The following COL25A1 variants were observed in gnomAD, a reference collection of about 807,000 sequenced individuals.
COL25A1 encodes collagen alpha-1(XXV) chain.
A neutral mutation model predicts 128.4 loss-of-function variants in COL25A1; 103 were observed. That is an observed-to-expected ratio of 0.80 (90% CI 0.68 to 0.94). COL25A1 has a LOEUF of 0.94. Among genes scored for constraint, COL25A1 ranks in the 40% least tolerant of loss-of-function variants. The pLI is 0.00. For missense variants in COL25A1, 745 were observed against 840.0 expected, an observed-to-expected ratio of 0.89 and a Z score of 1.40; for synonymous variants, 279 against 277.2, an observed-to-expected ratio of 1.01 and a Z score of -0.06.
chr4:109,070,024 A>T (rs2125981137), intron 3 of COL25A1, among the ~76,000 whole-genome samples: 1 of 151,550 alleles, frequency 6.6e-6, no homozygotes, highest in South Asian at 2.1e-4. Context: ...TGGGAGGCCA[A>T]GGTGGGCAGA....
intron 3 of COL25A1, among the ~76,000 whole-genome samples, chr4:109,262,684 T>C (rs1781533377): frequency 6.6e-6 from 1 of 152,190 alleles, no homozygotes; most frequent in South Asian, 2.1e-4. Context: ...TGCATACTTA[T>C]TTCTTTAGAG....
In COL25A1 at chr4:109,302,640, G is replaced by A. The variant is rs1248269926; in HGVS notation, c.-528C>T. On this transcript the variant is annotated 5_prime_UTR_variant, in exon 1 of 38. Transcript: ENST00000399132. ...CAATGCTACTCGCGAAGCCGAAGTC[G>A]CGGCTGCCCGAAGGATCTCCGCAGC... 7 of 152,604 alleles carry A rather than the reference G, an allele frequency of 4.6e-5. No homozygotes were observed. The highest frequency in any genetic ancestry group is 1.7e-4 in the African/African-American group (7 of 41,470). The allele number at this position is 152,604 out of a possible 1,614,324, so 9.5% of individuals were successfully genotyped here. A position where few individuals can be genotyped will look rare whatever the true frequency, so the allele number is the denominator to read the frequency against.
At chr4:108,826,600 G>A (rs897886606) in intron 33 of COL25A1, among the ~76,000 whole-genome samples, 1 of 152,216 alleles carries the variant, frequency 6.6e-6, no homozygotes, top group Non-Finnish European at 1.5e-5. Context: ...AGTGTTCTAT[G>A]TTCTGCAGAT....
At chr4:109,284,662 A>G (rs1165796925) in intron 3 of COL25A1, among the ~76,000 whole-genome samples, 2 of 152,224 alleles carry the variant, frequency 1.3e-5, no homozygotes, top group African/African-American at 4.8e-5. Context: ...AAACACCATT[A>G]GTCAGTTTTC....
intron 6 of COL25A1, among the ~76,000 whole-genome samples, chr4:108,975,326 C>T (rs1005854521): frequency 2.0e-5 from 3 of 152,154 alleles, no homozygotes; most frequent in African/African-American, 7.2e-5. Flanking sequence ...TGTGGTGGCG[C>T]ATGCCTGTGA....
intron 8 of COL25A1, among the ~76,000 whole-genome samples, chr4:108,948,823 T>C (rs953737903): frequency 1.3e-5 from 2 of 152,210 alleles, no homozygotes; most frequent in Non-Finnish European, 2.9e-5. Context: ...GCTAAGTAAG[T>C]GAAGACAGCC....
chr4:109,096,978 T>C (rs1337607197), intron 3 of COL25A1, among the ~76,000 whole-genome samples: 1 of 152,130 alleles, frequency 6.6e-6, no homozygotes, highest in African/African-American at 2.4e-5. Flanking sequence ...GCAGGTTGTA[T>C]AAGGTAGGAA....
intron 3 of COL25A1, among the ~76,000 whole-genome samples, chr4:109,202,094 G>A (rs1490485317): frequency 6.6e-6 from 1 of 152,094 alleles, no homozygotes; most frequent in Non-Finnish European, 1.5e-5. Context: ...TTCCCAGCAA[G>A]TTATTTTGTG....
At chr4:109,206,382 T>G (rs1174954371) in intron 3 of COL25A1, among the ~76,000 whole-genome samples, 1 of 152,170 alleles carries the variant, frequency 6.6e-6, no homozygotes, top group Non-Finnish European at 1.5e-5. Flanking sequence ...CGTGCTGATG[T>G]TATGAAAATA....
intron 5 of COL25A1, among the ~76,000 whole-genome samples, chr4:109,042,661 A>C (rs1435264744): frequency 6.6e-6 from 1 of 152,102 alleles, no homozygotes; most frequent in African/African-American, 2.4e-5. Context: ...ACATTCTTTG[A>C]GTCCAAATAT....
At chr4:108,947,067 T>C (rs1748847107) in intron 8 of COL25A1, among the ~76,000 whole-genome samples, 1 of 152,070 alleles carries the variant, frequency 6.6e-6, no homozygotes, top group African/African-American at 2.4e-5. Flanking sequence ...TAGTTATGAA[T>C]CATGAATTCA....
chr4:109,236,406 G>A lies in COL25A1; in HGVS notation c.367+64177C>T, dbSNP rs911948213. 3.3e-5 allele frequency among the ~76,000 whole-genome samples: 5 copies of A among 152,004 alleles called. No individual in the cohort carries two copies. In the South Asian group the frequency reaches 6.2e-4, roughly 19 times the overall value. On this transcript the variant is annotated intron_variant, in intron 3 of 37. Transcript: ENST00000399132. ...ATCAGAGGCAGCAGAACCTGACAGA[G>A]AACATTAGTCCTGAATTGAATGAAA... is the stretch of plus-strand genomic sequence containing the variant.
intron 3 of COL25A1, among the ~76,000 whole-genome samples, chr4:109,151,442 C>G (rs1771495897): frequency 6.6e-6 from 1 of 152,002 alleles, no homozygotes; most frequent in Admixed American, 6.6e-5. Context: ...CAATTTTCAG[C>G]ATTAGTGTTT....
intron 18 of COL25A1, among the ~76,000 whole-genome samples, chr4:108,887,025 CAA>C (rs1740912780): frequency 6.6e-6 from 1 of 151,856 alleles, no homozygotes; most frequent in Admixed American, 6.6e-5. Flanking sequence ...TGATGAAACA[CAA>C]TACTTATTTT....
At chr4:108,821,470 G>T (rs936819893) in intron 35 of COL25A1, among the ~76,000 whole-genome samples, 9 of 152,144 alleles carry the variant, frequency 5.9e-5, no homozygotes, top group African/African-American at 2.2e-4. Context: ...AAACTCATTT[G>T]GGTGAGCTCT....
chr4:109,270,688 A>G (rs1352621588), intron 3 of COL25A1, among the ~76,000 whole-genome samples: 1 of 152,178 alleles, frequency 6.6e-6, no homozygotes, highest in African/African-American at 2.4e-5. Context: ...TGACACTAAC[A>G]GTATATGGAA....
In COL25A1 at chr4:108,859,740, C is replaced by A. The variant is rs778298767; in HGVS notation, c.1243-7G>T. The A allele has an allele frequency of 2.5e-6, 4 of 1,612,042 alleles. No individual in the cohort carries two copies. The highest frequency in any genetic ancestry group is 3.4e-6 in the Non-Finnish European group (4 of 1,178,496). On this transcript the variant is annotated splice_region_variant and splice_polypyrimidine_tract_variant and intron_variant, in intron 23 of 37. Coordinates refer to ENST00000399132, the MANE Select transcript of COL25A1 (RefSeq NM_198721.4). ...CTTTTTGACCAGGTGGACCCTATGA[C>A]AAAACCAATCAAGGGAAAATCATGG... is the stretch of plus-strand genomic sequence containing the variant.
At chr4:108,871,179 C>CT (rs1240518292) in intron 19 of COL25A1, among the ~76,000 whole-genome samples, 3 of 151,744 alleles carry the variant, frequency 2.0e-5, no homozygotes, top group Admixed American at 6.6e-5. Context: ...ATGGAAAGTT[C>CT]TTTTTTTTAT....
intron 3 of COL25A1, among the ~76,000 whole-genome samples, chr4:109,071,240 C>A (rs1203429516): frequency 1.3e-5 from 2 of 152,096 alleles, no homozygotes; most frequent in Non-Finnish European, 2.9e-5. Flanking sequence ...AACTGGCTAG[C>A]CATATGGAGA....
Sources: allele counts gnomAD v4.1 joint callset (sites outside exome capture counted in the v4.1 genomes callset), GRCh38; gene constraint gnomAD v4.1.1; transcripts MANE v1.5; gene names NCBI Gene and HGNC (gene_info 2026-07-23, HGNC 2026-07-21).